The following NRCAM variants were observed in gnomAD, a reference collection of about 807,000 sequenced individuals.
NRCAM encodes the protein neuronal cell adhesion molecule, also known as NgCAM-related cell adhesion molecule.
Under a neutral mutation model 156.5 loss-of-function variants are expected in NRCAM, and 83 were observed. That is an observed-to-expected ratio of 0.53 (90% CI 0.44 to 0.64). NRCAM has a LOEUF of 0.64. Ranked by LOEUF, NRCAM falls within the 30% of genes least tolerant of loss-of-function variation. The pLI is 0.00. For missense variants in NRCAM, 1,417 were observed against 1,597.3 expected (o/e 0.89, Z 1.92); for synonymous variants, 538 against 563.9 (o/e 0.95, Z 0.65).
chr7:108,394,821 T>C (rs1439126378), intron 2 of NRCAM, among the ~76,000 whole-genome samples: 3 of 152,236 alleles, frequency 2.0e-5, no homozygotes, highest in African/African-American at 7.2e-5. Context: ...TCTTTCCTCA[T>C]AGGTCTTATA....
At chr7:108,279,505 G>GTT (rs113721532) in intron 3 of NRCAM, among the ~76,000 whole-genome samples, 6,702 of 150,656 alleles carry the variant, frequency 0.044, 187 homozygotes, top group South Asian at 0.11. Context: ...ATGCAACACT[G>GTT]TTTTTTTTTG....
chr7:108,261,909 T>C (rs560368835), intron 3 of NRCAM, among the ~76,000 whole-genome samples: 1 of 152,258 alleles, frequency 6.6e-6, no homozygotes, highest in South Asian at 2.1e-4. Context: ...AGTCAGTGGA[T>C]AAAAGCACTC....
intron 20 of NRCAM, among the ~76,000 whole-genome samples, chr7:108,188,164 C>T (rs566294455): frequency 4.6e-4 from 70 of 152,214 alleles, no homozygotes; most frequent in African/African-American, 1.7e-3. Flanking sequence ...TCAGCCAGGT[C>T]AACCAGGAGC....
intron 2 of NRCAM, among the ~76,000 whole-genome samples, chr7:108,394,175 C>G (rs772129630): frequency 5.3e-5 from 8 of 152,188 alleles, no homozygotes; most frequent in South Asian, 4.1e-4. Flanking sequence ...CTCTGATTAG[C>G]TGAAGGCAGA....
intron 1 of NRCAM, among the ~76,000 whole-genome samples, chr7:108,451,399 T>C (rs946210242): frequency 1.0e-4 from 15 of 145,484 alleles, no homozygotes; most frequent in African/African-American, 3.5e-4. Flanking sequence ...GAAAAGAGTA[T>C]AACGATGTCT....
intron 1 of NRCAM, among the ~76,000 whole-genome samples, chr7:108,421,155 CTA>C (rs1332639917): frequency 6.6e-6 from 1 of 152,048 alleles, no homozygotes; most frequent in Non-Finnish European, 1.5e-5. Flanking sequence ...GAAAAAAAGA[CTA>C]TAAGTGTAGA....
chr7:108,329,942 G>A (rs2099110022), intron 2 of NRCAM, among the ~76,000 whole-genome samples: 2 of 152,126 alleles, frequency 1.3e-5, no homozygotes, highest in South Asian at 4.1e-4. Context: ...AAATAGGGAG[G>A]AAAGCCTTTA....
intron 1 of NRCAM, among the ~76,000 whole-genome samples, chr7:108,443,893 T>TAGATAGATAG (rs1303588994): frequency 7.0e-6 from 1 of 143,268 alleles, no homozygotes; most frequent in Non-Finnish European, 1.5e-5. Context: ...GATAGATAGA[T>TAGATAGATAG]ACATACATAC....
intron 11 of NRCAM, among the ~76,000 whole-genome samples, chr7:108,221,750 G>A (rs1349796074): frequency 8.5e-5 from 13 of 152,074 alleles, no homozygotes; most frequent in Admixed American, 4.6e-4. Flanking sequence ...AGAGTACAGC[G>A]TATATTGTTC....
At chr7:108,171,465 C>T (rs1372428745) in intron 28 of NRCAM, among the ~76,000 whole-genome samples, 1 of 152,092 alleles carries the variant, frequency 6.6e-6, no homozygotes, top group Non-Finnish European at 1.5e-5. Context: ...TTGGTATAAC[C>T]CAGACATCCG....
rs2082936078 is a variant in NRCAM at position 108,209,568 on chromosome 7, T to A, written c.928A>T (p.Met310Leu). ...TAAACTGTCCTGTTTTTGGGTAGCATTCCATCTTCCTTTGCCCAGTAAATA... is the reference window on the plus strand; with the variant it reads ...TAAACTGTCCTGTTTTTGGGTAGCAATCCATCTTCCTTTGCCCAGTAAATA... ...PIIYWAKEDG[M>L]LPKNRTVYKN... is the part of the protein sequence containing the mutation. Residue 310 changes from methionine (M) to leucine (L), a missense_variant, in exon 12 of 33, where the codon ATG (methionine) becomes TTG (leucine). By Grantham distance (15) the Met-to-Leu change is conservative. Coordinates refer to ENST00000379028, the MANE Select transcript of NRCAM (RefSeq NM_001037132.4). 1.9e-6 allele frequency: 3 copies of A among 1,611,084 alleles called. No individual in the cohort carries two copies. The highest frequency in any genetic ancestry group is 2.7e-5 in the African/African-American group (2 of 74,948).
In NRCAM at chr7:108,232,536, G is replaced by T. The variant is rs117302672; in HGVS notation, c.231-14C>A. 4 of 1,594,936 alleles carry T rather than the reference G, an allele frequency of 2.5e-6. No individual in the cohort carries two copies. Among genetic ancestry groups the T allele is most frequent in the Non-Finnish European group, 3.4e-6 (4 of 1,169,668 alleles). ...GTCCAGGAAAAGCTGCCCAACACAC[G>T]AAGTGTTAAGTGTATTAATGGTCCA... On this transcript the variant is annotated splice_polypyrimidine_tract_variant and intron_variant, in intron 6 of 32. Coordinates refer to ENST00000379028, the MANE Select transcript of NRCAM (RefSeq NM_001037132.4).
At chr7:108,326,650 A>T (rs1454981383) in intron 2 of NRCAM, among the ~76,000 whole-genome samples, 1 of 152,238 alleles carries the variant, frequency 6.6e-6, no homozygotes, top group Non-Finnish European at 1.5e-5. Context: ...GCAAGTGAAT[A>T]TAACTCAACA....
At chr7:108,441,697 C>CATCTATAAAA (rs1157011046) in intron 1 of NRCAM, among the ~76,000 whole-genome samples, 1 of 152,240 alleles carries the variant, frequency 6.6e-6, no homozygotes, top group Non-Finnish European at 1.5e-5. Flanking sequence ...CCCTAAGCCT[C>CATCTATAAAA]AGTTTCCTCA....
chr7:108,227,964 G>A (rs936293413), intron 8 of NRCAM, among the ~76,000 whole-genome samples: 1 of 152,158 alleles, frequency 6.6e-6, no homozygotes, highest in Admixed American at 6.5e-5. Flanking sequence ...TTAAGATGGG[G>A]GTTTGGTTGG....
chr7:108,282,463 G>A (rs2097898045), intron 3 of NRCAM, among the ~76,000 whole-genome samples: 1 of 152,142 alleles, frequency 6.6e-6, no homozygotes, highest in Non-Finnish European at 1.5e-5. Flanking sequence ...CCTGGAACTT[G>A]CTAAGAATAA....
intron 8 of NRCAM, among the ~76,000 whole-genome samples, chr7:108,229,243 T>C (rs1371756527): frequency 6.6e-6 from 1 of 152,208 alleles, no homozygotes; most frequent in African/African-American, 2.4e-5. Context: ...TAATTGTGTC[T>C]TTCAAAAATA....
chr7:108,368,413 G>A (rs964340800), intron 2 of NRCAM, among the ~76,000 whole-genome samples: 2 of 151,878 alleles, frequency 1.3e-5, no homozygotes, highest in South Asian at 2.1e-4. Flanking sequence ...ACATACACAC[G>A]CATACATACA....
intron 3 of NRCAM, among the ~76,000 whole-genome samples, chr7:108,246,498 A>G (rs1229232225): frequency 6.6e-6 from 1 of 152,190 alleles, no homozygotes. Context: ...GAGGCAAGGC[A>G]GTAGGAGCAA....
Sources: allele counts gnomAD v4.1 joint callset (sites outside exome capture counted in the v4.1 genomes callset), GRCh38; gene constraint gnomAD v4.1.1; transcripts MANE v1.5; gene names NCBI Gene and HGNC (gene_info 2026-07-23, HGNC 2026-07-21).